PKD1L1: variants seen among roughly 807,000 people sequenced by gnomAD.
PKD1L1 encodes polycystin 1 like 1, transient receptor potential channel interacting.
A neutral mutation model predicts 323.4 loss-of-function variants in PKD1L1; 236 were observed. The observed-to-expected ratio is 0.73, with a 90% CI of 0.66 to 0.81. The LOEUF is 0.81. Ranked by LOEUF, PKD1L1 falls within the 40% of genes least tolerant of loss-of-function variation. The pLI is 0.00. For missense variants in PKD1L1, 3,320 were observed against 3,508.0 expected (o/e 0.95, Z 1.35); for synonymous variants, 1,344 against 1,335.0 (o/e 1.01, Z -0.15).
chr7:47,916,777 G>T (rs1583671578), intron 7 of PKD1L1, among the ~76,000 whole-genome samples: 2 of 152,292 alleles, frequency 1.3e-5, no homozygotes, highest in Middle Eastern at 6.8e-3. Context: ...AGGAAAAGGG[G>T]ATGAGTACTA....
chr7:47,925,408 G>A (rs866547073), intron 7 of PKD1L1, among the ~76,000 whole-genome samples: 15 of 152,054 alleles, frequency 9.9e-5, no homozygotes, highest in Admixed American at 2.0e-4. Context: ...AAAGATGCAC[G>A]GAAAAAATGG....
Position 47,812,630 on chromosome 7 carries a change from C to A in PKD1L1, c.7346+491G>T, listed in dbSNP as rs191258482. Among the ~76,000 whole-genome samples, 140 of 152,270 alleles carry A rather than the reference C, an allele frequency of 9.2e-4. 1 individual carries two copies. The highest frequency in any genetic ancestry group is 3.1e-3 in the African/African-American group (127 of 41,574). The stretch of plus-strand genomic sequence containing the variant: ...GAGGTGCATGCTGCTTGGGGAGCCA[C>A]GGGTGGCTGTGGACAACAGTGTGAC... On this transcript the variant is annotated intron_variant, in intron 49 of 56. Coordinates refer to ENST00000289672, the MANE Select transcript of PKD1L1 (RefSeq NM_138295.5).
upstream of PKD1L1, among the ~76,000 whole-genome samples, chr7:47,953,243 G>A (rs768545645): frequency 2.0e-4 from 30 of 152,112 alleles, no homozygotes; most frequent in South Asian, 2.1e-4. Flanking sequence ...TATTACATGG[G>A]GTAATGTTTT....
intron 7 of PKD1L1, among the ~76,000 whole-genome samples, chr7:47,922,633 A>C (rs960738459): frequency 8.9e-4 from 129 of 144,140 alleles, no homozygotes; most frequent in African/African-American, 3.3e-3. Context: ...AGCGTCTCTG[A>C]CCGGCCGCCC....
chr7:47,835,258 C>G lies in PKD1L1; in HGVS notation c.5944-15G>C. The G allele has an allele frequency of 6.5e-7, 1 of 1,537,038 alleles. No homozygotes were observed. The highest frequency in any genetic ancestry group is 1.8e-4 in the Middle Eastern group (1 of 5,428). On this transcript the variant is annotated splice_polypyrimidine_tract_variant and intron_variant, in intron 37 of 56. Coordinates refer to ENST00000289672, the MANE Select transcript of PKD1L1 (RefSeq NM_138295.5). ...TCCAAGTGGGGCTGCAACAAAGCAA[C>G]AGCAGCCATTACATCAACTCAATAT...
At chr7:47,920,277 AC>A (rs1787508364) in intron 7 of PKD1L1, among the ~76,000 whole-genome samples, 1 of 137,678 alleles carries the variant, frequency 7.3e-6, no homozygotes, top group African/African-American at 3.0e-5. Context: ...TGCAAAAAAA[AC>A]CAAAACAAAC....
chr7:47,864,594 T>TTCTTTCTTTCTTTCTTTCTG (rs1786110431), intron 26 of PKD1L1, among the ~76,000 whole-genome samples: 1 of 99,810 alleles, frequency 1.0e-5, no homozygotes, highest in African/African-American at 5.3e-5. Context: ...CTTTCTTTCT[T>TTCTTTCTTTCTTTCTTTCTG]TCTTTCTTTC....
At chr7:47,789,561 T>TA (rs1786891087) in intron 56 of PKD1L1, among the ~76,000 whole-genome samples, 1 of 152,218 alleles carries the variant, frequency 6.6e-6, no homozygotes, top group South Asian at 2.1e-4. Context: ...TTAGTGTGTG[T>TA]GTCTGTGTGT....
chr7:47,960,240 C>T, the PKD1L1 span, among the ~76,000 whole-genome samples: 2 of 149,490 alleles, frequency 1.3e-5, no homozygotes, highest in East Asian at 2.0e-4. Context: ...TGCGGAAGGC[C>T]GCAGGGTCCT....
chr7:47,859,794 AT>A (rs933005638), intron 26 of PKD1L1, among the ~76,000 whole-genome samples: 2 of 151,596 alleles, frequency 1.3e-5, no homozygotes, highest in Non-Finnish European at 2.9e-5. Flanking sequence ...CCCAGCTAAT[AT>A]TTTTTTGTAT....
intron 8 of PKD1L1, among the ~76,000 whole-genome samples, chr7:47,911,641 T>C (rs1232351628): frequency 2.0e-5 from 3 of 152,202 alleles, no homozygotes; most frequent in Non-Finnish European, 4.4e-5. Context: ...ATAAAAACTT[T>C]TTCTCTCTTT....
In PKD1L1 at chr7:47,915,489, G is replaced by A. The variant is rs746349186; in HGVS notation, c.1171C>T (p.Leu391=). 7 of 1,296,438 alleles carry A rather than the reference G, an allele frequency of 5.4e-6. No homozygotes were observed. The highest frequency in any genetic ancestry group is 7.9e-6 in the Non-Finnish European group (7 of 890,424). 80.3% of individuals were successfully genotyped at this position (1,296,438 alleles called of 1,614,324 possible). The change falls in exon 8 of 57, where the codon CTG becomes TTG. Residue 391 remains leucine (L), a synonymous_variant. Transcript: ENST00000289672. Reference sequence around the variant, plus strand: ...AGGTTACTGGGGTCTGAGTCTTCCAGGCAGCTGTTTTCACTTTGGCACAAG... The same window carrying A: ...AGGTTACTGGGGTCTGAGTCTTCCAAGCAGCTGTTTTCACTTTGGCACAAG... ...VYLCQSENSC[L]EDSDPSNLGY...
At chr7:47,916,657 G>C (rs1787435113) in intron 7 of PKD1L1, among the ~76,000 whole-genome samples, 1 of 152,162 alleles carries the variant, frequency 6.6e-6, no homozygotes, top group Admixed American at 6.5e-5. Flanking sequence ...ACAGTACTCT[G>C]TGCAGACAAC....
At chr7:47,944,754 G>A (rs535336015) in intron 1 of PKD1L1, among the ~76,000 whole-genome samples, 21 of 152,214 alleles carry the variant, frequency 1.4e-4, no homozygotes, top group Non-Finnish European at 2.9e-4. Flanking sequence ...AGAGATCATC[G>A]TGGGTCATCA....
chr7:47,931,814 G>A (rs2128755939), intron 5 of PKD1L1, 122 bp downstream of exon 5: 4 of 1,297,752 alleles, frequency 3.1e-6, no homozygotes, highest in Non-Finnish European at 3.1e-6. Context: ...ACTTAGAAAT[G>A]CAAAATATGG....
chr7:47,920,589 G>A lies in PKD1L1; in HGVS notation c.1061-4990C>T, dbSNP rs934836814. ...AAAAGAGGCTGTACATCCAAAGAAA[G>A]ACTAAGCAAAAAGAACAAATCTGGA... On this transcript the variant is annotated intron_variant, in intron 7 of 56. Transcript: ENST00000289672. 3.9e-5 allele frequency among the ~76,000 whole-genome samples: 6 copies of A among 152,090 alleles called. No homozygotes were observed. The East Asian group carries it at 5.8e-4, about 15-fold the overall frequency.
Position 47,839,565 on chromosome 7 carries a change from C to A in PKD1L1, c.5650G>T (p.Glu1884Ter), listed in dbSNP as rs750886121. 3.7e-6 allele frequency: 6 copies of A among 1,606,304 alleles called. No homozygotes were observed. The South Asian group carries it at 6.7e-5, about 18-fold the overall frequency. ...AACCAGCCCTGTCCCGTGTGCAGCTCCTTCACCATCACGTGGCTGATGAAC... is the reference window on the plus strand; with the variant it reads ...AACCAGCCCTGTCCCGTGTGCAGCTACTTCACCATCACGTGGCTGATGAAC... The part of the protein sequence containing the change: ...GWFISHVMVK[E>*]LHTGQGWFFP... The change falls in exon 36 of 57, where the codon GAG becomes TAG. Residue 1884 changes from glutamate to a stop codon, truncating the protein, a stop_gained. Coordinates refer to ENST00000289672, the MANE Select transcript of PKD1L1 (RefSeq NM_138295.5). LOFTEE classifies it high-confidence loss of function. This position sits in a 1 kb window ranked among gnomAD's most constrained non-coding sequence, Gnocchi z 4.3.
At chr7:47,920,214 A>T (rs533875639) in intron 7 of PKD1L1, among the ~76,000 whole-genome samples, 2 of 152,160 alleles carry the variant, frequency 1.3e-5, no homozygotes, top group South Asian at 2.1e-4. Flanking sequence ...TCTATACATC[A>T]ACAGAGACCA....
intron 4 of PKD1L1, among the ~76,000 whole-genome samples, chr7:47,932,933 G>C (rs1787799967): frequency 6.6e-6 from 1 of 152,218 alleles, no homozygotes; most frequent in Non-Finnish European, 1.5e-5. Context: ...CAGGGTCAGA[G>C]GCTCTGGAGC....
Sources: allele counts gnomAD v4.1 joint callset (sites outside exome capture counted in the v4.1 genomes callset), GRCh38; gene constraint gnomAD v4.1.1; non-coding constraint Gnocchi (gnomAD v3.1); transcripts MANE v1.5; gene names NCBI Gene and HGNC (gene_info 2026-07-23, HGNC 2026-07-21).